Variants in KLHDC1 observed in about 807,000 individuals in gnomAD.
The protein encoded by KLHDC1 is kelch domain containing 1, also known as kelch domain-containing protein 1.
KLHDC1 carries 53 observed loss-of-function variants against 68.3 expected under a neutral mutation model. The ratio of observed to expected loss-of-function variants is 0.78; its 90% CI spans 0.62 to 0.98. KLHDC1 has a LOEUF of 0.98. Ranked by LOEUF, KLHDC1 falls within the 50% of genes least tolerant of loss-of-function variation. KLHDC1 has a pLI of 0.00. For synonymous variants in KLHDC1, 148 were observed against 159.0 expected, an observed-to-expected ratio of 0.93 and a Z score of 0.52; for missense variants, 470 against 492.3, an observed-to-expected ratio of 0.95 and a Z score of 0.43.
intron 1 of KLHDC1, among the ~76,000 whole-genome samples, chr14:49,700,349 A>G (rs145097516): frequency 4.4e-4 from 67 of 152,222 alleles, no homozygotes; most frequent in African/African-American, 1.6e-3. Context: ...TTTGGAGGCC[A>G]AGGCAGGAGG....
At chr14:49,700,855 C>T (rs569448638) in intron 1 of KLHDC1, among the ~76,000 whole-genome samples, 45 of 151,814 alleles carry the variant, frequency 3.0e-4, no homozygotes, top group African/African-American at 1.0e-3. Context: ...CCAAGGCAGG[C>T]GGATCACCTG....
chr14:49,698,378 ATTC>A (rs1230384124), intron 1 of KLHDC1, among the ~76,000 whole-genome samples: 12 of 151,800 alleles, frequency 7.9e-5, no homozygotes, highest in Non-Finnish European at 2.9e-5. Context: ...TACTTTTTGT[ATTC>A]TTAGTACAGG....
chr14:49,701,305 G>A (rs1161162968), intron 1 of KLHDC1, among the ~76,000 whole-genome samples: 1 of 152,104 alleles, frequency 6.6e-6, no homozygotes, highest in Non-Finnish European at 1.5e-5. Flanking sequence ...GAGAATATAT[G>A]ACTTCTAAAA....
chr14:49,699,393 A>G (rs1887837053), intron 1 of KLHDC1, among the ~76,000 whole-genome samples: 1 of 151,974 alleles, frequency 6.6e-6, no homozygotes, highest in African/African-American at 2.4e-5. Flanking sequence ...AGGAGGCAAA[A>G]AAGAAGCCAT....
At chr14:49,747,370 G>A (rs968878059) in intron 12 of KLHDC1, among the ~76,000 whole-genome samples, 5 of 152,194 alleles carry the variant, frequency 3.3e-5, no homozygotes, top group African/African-American at 1.2e-4. Flanking sequence ...CACCAAGACC[G>A]AGGGAGGATG....
rs1248210827 is a variant in KLHDC1 at position 49,693,266 on chromosome 14, C to T, written c.72C>T (p.Phe24=). ...SGHCAVVDGN[F]LYVWGGYVSI... ...ACTGCGCCGTGGTGGACGGAAACTTCCTCTACGTGTGGGGGGGCTACGTGG... is the reference window on the plus strand; with the variant it reads ...ACTGCGCCGTGGTGGACGGAAACTTTCTCTACGTGTGGGGGGGCTACGTGG... The change falls in exon 1 of 13, where the codon TTC becomes TTT. Residue 24 remains phenylalanine, a synonymous_variant. Coordinates refer to ENST00000359332, the MANE Select transcript of KLHDC1 (RefSeq NM_172193.3). The T allele has an allele frequency of 3.2e-6, 5 of 1,562,568 alleles. No homozygotes were observed. Among genetic ancestry groups the T allele is most frequent in the East Asian group, 5.2e-5 (2 of 38,230 alleles).
intron 1 of KLHDC1, among the ~76,000 whole-genome samples, chr14:49,702,818 C>T (rs963749121): frequency 4.6e-5 from 7 of 152,096 alleles, no homozygotes; most frequent in Admixed American, 3.3e-4. Flanking sequence ...ATTTGGACTT[C>T]GGAATAAAGA....
intron 1 of KLHDC1, among the ~76,000 whole-genome samples, chr14:49,694,625 G>C (rs1040095947): frequency 1.3e-5 from 2 of 152,012 alleles, no homozygotes; most frequent in Non-Finnish European, 2.9e-5. Context: ...AGGCTGAGGC[G>C]GGTGGATTAC....
chr14:49,719,987 CA>C (rs751194812), intron 4 of KLHDC1, among the ~76,000 whole-genome samples: 2 of 61,280 alleles, frequency 3.3e-5, no homozygotes, highest in South Asian at 1.0e-3. Context: ...ACACCAAGCT[CA>C]TTTTTTTTTT....
intron 12 of KLHDC1, among the ~76,000 whole-genome samples, chr14:49,744,544 A>T (rs1889154014): frequency 6.6e-6 from 1 of 152,066 alleles, no homozygotes; most frequent in African/African-American, 2.4e-5. Context: ...CCCCACTTGG[A>T]TACCAAAATT....
At chr14:49,725,369 A>C (rs1888640180) in intron 5 of KLHDC1, among the ~76,000 whole-genome samples, 1 of 152,312 alleles carries the variant, frequency 6.6e-6, no homozygotes, top group Non-Finnish European at 1.5e-5. Flanking sequence ...AACAGATTTT[A>C]AAATGTAAAC....
intron 4 of KLHDC1, among the ~76,000 whole-genome samples, chr14:49,713,373 TATTCTA>T (rs1474403556): frequency 6.6e-6 from 1 of 152,196 alleles, no homozygotes; most frequent in Non-Finnish European, 1.5e-5. Flanking sequence ...AAAGTGATGA[TATTCTA>T]ATTCTATTAT....
chr14:49,732,115 A>C (rs959163438), intron 8 of KLHDC1, among the ~76,000 whole-genome samples: 15 of 152,206 alleles, frequency 9.9e-5, no homozygotes, highest in African/African-American at 3.6e-4. Flanking sequence ...CTAAGGAAGC[A>C]GCTGATTAGC....
intron 1 of KLHDC1, among the ~76,000 whole-genome samples, chr14:49,702,419 C>A (rs913002463): frequency 6.6e-5 from 10 of 152,074 alleles, no homozygotes; most frequent in Admixed American, 3.3e-4. Context: ...CAATGTGTAT[C>A]AAAAATGTAA....
intron 11 of KLHDC1, among the ~76,000 whole-genome samples, chr14:49,740,582 G>T (rs1033462892): frequency 6.6e-6 from 1 of 151,738 alleles, no homozygotes; most frequent in African/African-American, 2.4e-5. Flanking sequence ...CTCGTGATCC[G>T]CCCGCCTCAG....
At chr14:49,742,457 G>T (rs1219368070) in intron 11 of KLHDC1, among the ~76,000 whole-genome samples, 1 of 151,450 alleles carries the variant, frequency 6.6e-6, no homozygotes, top group Non-Finnish European at 1.5e-5. Context: ...ATCACCCTGA[G>T]ATCAAGAGTT....
At chr14:49,718,259 A>G (rs1347345294) in intron 4 of KLHDC1, among the ~76,000 whole-genome samples, 6 of 151,794 alleles carry the variant, frequency 4.0e-5, no homozygotes, top group South Asian at 4.2e-4. Flanking sequence ...ACCCTTCTTC[A>G]TGGTATTCTG....
intron 6 of KLHDC1, among the ~76,000 whole-genome samples, chr14:49,726,761 C>T (rs1231307618): frequency 1.3e-5 from 2 of 152,314 alleles, no homozygotes; most frequent in East Asian, 3.9e-4. Flanking sequence ...GGACCATAGC[C>T]TCAGGAACCG....
chr14:49,719,175 C>A (rs1888463179), intron 4 of KLHDC1, among the ~76,000 whole-genome samples: 1 of 152,000 alleles, frequency 6.6e-6, no homozygotes, highest in South Asian at 2.1e-4. Context: ...TTAGTTTGTT[C>A]TTGTCTAATT....
Sources: gnomAD v4.1 joint callset for allele counts (sites outside exome capture counted in the v4.1 genomes callset) on GRCh38, gnomAD v4.1.1 for gene constraint, MANE v1.5 for transcripts, NCBI Gene and HGNC (gene_info 2026-07-23, HGNC 2026-07-21) for gene names.